Variants in ADGRE2 observed in about 807,000 individuals in gnomAD.
ADGRE2 encodes the protein adhesion G protein-coupled receptor E2, also known as CD97 antigen.
A neutral mutation model predicts 100.8 loss-of-function variants in ADGRE2; 83 were observed. The ratio of observed to expected loss-of-function variants is 0.82; its 90% CI spans 0.69 to 0.99. The LOEUF (loss-of-function observed/expected upper bound fraction) is 0.99. Ranked by LOEUF, ADGRE2 falls within the 50% of genes least tolerant of loss-of-function variation. ADGRE2 has a pLI of 0.00. For missense variants in ADGRE2, 814 were observed against 1,035.7 expected, an observed-to-expected ratio of 0.79 and a Z score of 2.94; for synonymous variants, 355 against 413.0, an observed-to-expected ratio of 0.86 and a Z score of 1.70.
At chr19:14,755,927 T>C in intron 12 of ADGRE2, 50 bp from the exon 13 acceptor site, 1 of 1,495,442 alleles carries the variant, frequency 6.7e-7, no homozygotes, top group Non-Finnish European at 9.2e-7. Flanking sequence ...AATCTCTGGG[T>C]CCACACCAGA....
At chr19:14,727,466 T>G (rs1476100938), downstream of ADGRE2, among the ~76,000 whole-genome samples, 1 of 152,100 alleles carries the variant, frequency 6.6e-6, no homozygotes, top group South Asian at 2.1e-4. Flanking sequence ...CATCACATAG[T>G]GAGACCAGGA....
At chr19:14,765,925 G>A in intron 7 of ADGRE2, 121 bp from the exon 8 acceptor site, 2 of 1,537,600 alleles carry the variant, frequency 1.3e-6, no homozygotes, top group Non-Finnish European at 8.9e-7. Flanking sequence ...TGGACGCTGG[G>A]TTATGGAAGC....
At chr19:14,743,824 GAA>G (rs763866810) in intron 18 of ADGRE2, 40 bp from the exon 19 acceptor site, 7 of 1,598,232 alleles carry the variant, frequency 4.4e-6, no homozygotes, top group Non-Finnish European at 5.1e-6. Context: ...TGCACCCAGA[GAA>G]AGAGAATCAA....
chr19:14,764,558 G>A lies in ADGRE2; in HGVS notation c.959C>T (p.Thr320Ile). The A allele has an allele frequency of 6.2e-7, 1 of 1,612,882 alleles. No individual in the cohort carries two copies. Among genetic ancestry groups the A allele is most frequent in the Non-Finnish European group, 8.5e-7 (1 of 1,179,932 alleles). ...ACAGTGCTGCTGTAAGCGGGGCAGG[G>A]TCTCCAGGTCCCCAGGGGCCTCCAG... ...ELLEAPGDLETLPRLQQHCVA... is the reference protein window; with the variant it reads ...ELLEAPGDLEILPRLQQHCVA... The change falls in exon 11 of 21, where the codon ACC (threonine) becomes ATC (isoleucine). Residue 320 changes from threonine (T) to isoleucine (I), a missense_variant. Thr to Ile is a moderately conservative substitution (Grantham distance 89). This residue lies in a region of ADGRE2 where 569 missense variants were observed against 692.7 expected (regional missense o/e 0.82). Coordinates refer to ENST00000315576, the MANE Select transcript of ADGRE2 (RefSeq NM_013447.4).
intron 5 of ADGRE2, among the ~76,000 whole-genome samples, chr19:14,767,530 T>C (rs537874080): frequency 3.2e-4 from 48 of 152,272 alleles, no homozygotes; most frequent in African/African-American, 1.1e-3. Context: ...TGAGCCACCA[T>C]GCCTGGCCAT....
Position 14,755,106 on chromosome 19 carries a change from C to T in ADGRE2, c.1438G>A (p.Val480Met), listed in dbSNP as rs758093170. ...CCATGCTCCCAGAAGACACAGAGCA[C>T]CTTCTGTCTCGGGATCACTGACTGC... The part of the protein sequence containing the change: ...SHRSVIPRQK[V>M]LCVFWEHGQN... Residue 480 changes from valine to methionine, a missense_variant, in exon 14 of 21, where the codon GTG becomes ATG. Physicochemically the swap from Val to Met is conservative, Grantham distance 21. Transcript: ENST00000315576. The T allele has an allele frequency of 6.2e-6, 10 of 1,613,816 alleles. No homozygotes were observed. Among genetic ancestry groups the T allele is most frequent in the Non-Finnish European group, 8.5e-6 (10 of 1,179,980 alleles).
intron 20 of ADGRE2, among the ~76,000 whole-genome samples, chr19:14,736,885 AAT>A (rs1273836089): frequency 2.8e-5 from 4 of 144,076 alleles, no homozygotes; most frequent in African/African-American, 5.0e-5. Flanking sequence ...TATATTTAGA[AAT>A]ATATATATTT....
intron 4 of ADGRE2, 38 bp from the exon 5 acceptor site, chr19:14,772,535 T>A: frequency 6.2e-7 from 1 of 1,610,178 alleles, no homozygotes; most frequent in Non-Finnish European, 8.5e-7. Context: ...CTCCCAAAGA[T>A]GTGAGTTCCG....
In ADGRE2 at chr19:14,751,446, T is replaced by C. The variant is rs779016111; in HGVS notation, c.2014A>G (p.Thr672Ala). Residue 672 changes from threonine to alanine, a missense_variant, in exon 16 of 21, where the codon ACA becomes GCA. By Grantham distance (58) the Thr-to-Ala change is moderately conservative. Around this residue, in one of 5 missense-constraint regions of ADGRE2, gnomAD observed 569 missense variants for 692.7 expected, o/e 0.82. Coordinates refer to ENST00000315576, the MANE Select transcript of ADGRE2 (RefSeq NM_013447.4). Reference protein sequence around the residue: ...SAASRPHLYGTPSRCWLQPEK... With the variant: ...SAASRPHLYGAPSRCWLQPEK... ...AGAATTTGCACTAACCGGGAAGGTG[T>C]TCCATAAAGGTGAGGCCTGGAGGCT... 2.5e-6 allele frequency: 4 copies of C among 1,613,318 alleles called. No homozygotes were observed. The highest frequency in any genetic ancestry group is 3.4e-6 in the Non-Finnish European group (4 of 1,179,414).
At chr19:14,740,763 G>T (rs1352814229) in intron 20 of ADGRE2, among the ~76,000 whole-genome samples, 1 of 152,126 alleles carries the variant, frequency 6.6e-6, no homozygotes, top group Non-Finnish European at 1.5e-5. Flanking sequence ...TACACAAGGG[G>T]TCTTGCTCTG....
At chr19:14,743,358 T>G (rs969656957) in intron 20 of ADGRE2, 62 bp downstream of exon 20, 10 of 1,337,534 alleles carry the variant, frequency 7.5e-6, no homozygotes, top group Admixed American at 1.7e-5. Context: ...CCTTGTGTGA[T>G]AGGCACATGC....
At chr19:14,775,396 C>T (rs545863200) in intron 2 of ADGRE2, among the ~76,000 whole-genome samples, 1 of 152,010 alleles carries the variant, frequency 6.6e-6, no homozygotes, top group East Asian at 1.9e-4. Flanking sequence ...CTCAAGCGAT[C>T]CTCCTGCCTC....
chr19:14,764,701 G>A lies in ADGRE2; in HGVS notation c.907-91C>T, dbSNP rs1036442506. The A allele has an allele frequency of 8.3e-6, 11 of 1,327,716 alleles. No homozygotes were observed. The East Asian group carries it at 2.4e-4, about 29-fold the overall frequency. 82.2% of individuals were successfully genotyped at this position (1,327,716 alleles called of 1,614,324 possible). ...GCTCAGCCCCAGGGAACAGATCCTA[G>A]AGACTGTCTATCTGGGGGATGAAGA... On this transcript the variant is annotated intron_variant, in intron 10 of 20. Transcript: ENST00000315576.
At chr19:14,739,379 G>GTAGAAA (rs2042857859) in intron 20 of ADGRE2, among the ~76,000 whole-genome samples, 1 of 152,180 alleles carries the variant, frequency 6.6e-6, no homozygotes, top group South Asian at 2.1e-4. Context: ...TCAGTAGCTG[G>GTAGAAA]TAGAAATATC....
At chr19:14,726,728 A>G in the ADGRE2 span, among the ~76,000 whole-genome samples, 1 of 152,278 alleles carries the variant, frequency 6.6e-6, no homozygotes, top group South Asian at 2.1e-4. Context: ...AGGGAATAAC[A>G]AGGCTGACCT....
rs2042867873 is a variant in ADGRE2 at position 14,739,682 on chromosome 19, G to T, written c.2464-3438C>A. Among the ~76,000 whole-genome samples the T allele has an allele frequency of 2.0e-5, 3 of 152,182 alleles. No homozygotes were observed. In the South Asian group the frequency reaches 6.2e-4, roughly 31 times the overall value. On this transcript the variant is annotated intron_variant, in intron 20 of 20. Transcript: ENST00000315576. Reference sequence around the variant, plus strand: ...ACCTGTAAATGCTACCTGACATGGAGAAAGAGACTTTGTAGATACGGTTAT... The same window carrying T: ...ACCTGTAAATGCTACCTGACATGGATAAAGAGACTTTGTAGATACGGTTAT...
chr19:14,755,830 G>C lies in ADGRE2; in HGVS notation c.1240C>G (p.Leu414Val). Reference protein sequence around the residue: ...LVSIPGMGKLLAEAPLVLEPE... With the variant: ...LVSIPGMGKLVAEAPLVLEPE... ...TCCAGGACCAGAGGGGCCTCAGCCA[G>C]CAACTTGCCCATCCCTGGAATGGAG... is the stretch of plus-strand genomic sequence containing the variant. The change falls in exon 13 of 21, where the codon CTG becomes GTG. Residue 414 changes from leucine (L) to valine (V), a missense_variant. Coordinates refer to ENST00000315576, the MANE Select transcript of ADGRE2 (RefSeq NM_013447.4). 6.2e-7 allele frequency: 1 copy of C among 1,614,200 alleles called. No homozygotes were observed. Among genetic ancestry groups the C allele is most frequent in the Non-Finnish European group, 8.5e-7 (1 of 1,180,046 alleles).
chr19:14,724,833 C>A, the ADGRE2 span, among the ~76,000 whole-genome samples: 4 of 152,152 alleles, frequency 2.6e-5, no homozygotes, highest in African/African-American at 9.7e-5. Flanking sequence ...TTGATTCTTA[C>A]ACATGTGCAT....
chr19:14,771,067 C>T (rs1013258569), intron 5 of ADGRE2, among the ~76,000 whole-genome samples: 2 of 152,026 alleles, frequency 1.3e-5, no homozygotes, highest in Admixed American at 6.6e-5. Context: ...ACAGGGGACC[C>T]CTGTGAACCA....
Sources: allele counts gnomAD v4.1 joint callset (sites outside exome capture counted in the v4.1 genomes callset), GRCh38; gene constraint gnomAD v4.1.1; regional missense constraint gnomAD v4.1.1; transcripts MANE v1.5; gene names NCBI Gene and HGNC (gene_info 2026-07-23, HGNC 2026-07-21).